DST: variants seen among roughly 807,000 people sequenced by gnomAD.
The protein encoded by DST is dystonin.
A neutral mutation model predicts 875.2 loss-of-function variants in DST; 253 were observed. The ratio of observed to expected loss-of-function variants is 0.29; its 90% CI spans 0.26 to 0.32. The LOEUF is 0.32. DST is among the 10% of genes least tolerant of loss of function. DST has a pLI of 1.00. For missense variants in DST, 8,287 were observed against 9,111.6 expected (o/e 0.91, Z 3.68); for synonymous variants, 3,124 against 3,197.1 (o/e 0.98, Z 0.77).
intron 2 of DST, among the ~76,000 whole-genome samples, chr6:56,917,772 T>A (rs930638418): frequency 6.6e-6 from 1 of 152,234 alleles, no homozygotes; most frequent in Non-Finnish European, 1.5e-5. Flanking sequence ...TTCTTTTTCA[T>A]CTTTGTGTCC....
intron 80 of DST, among the ~76,000 whole-genome samples, chr6:56,499,592 G>C (rs925810502): frequency 6.6e-6 from 1 of 152,048 alleles, no homozygotes; most frequent in Non-Finnish European, 1.5e-5. Context: ...ATTCTGCTGG[G>C]AATTTTATGT....
rs1337269536 is a variant in DST at position 56,460,235 on chromosome 6, C to T, written c.23090G>A (p.Ser7697Asn). ...PSAEGTPIQG[S>N]KLRLPGYLSG... ...TAAATATCCTGGAAGTCGAAGCTTGCTTCCTTGTATTGGCGTTCCCTGTAT... is the reference window on the plus strand; with the variant it reads ...TAAATATCCTGGAAGTCGAAGCTTGTTTCCTTGTATTGGCGTTCCCTGTAT... Residue 7697 changes from serine to asparagine, a missense_variant, in exon 103 of 104, where the codon AGC (serine) becomes AAC (asparagine). Coordinates refer to ENST00000680361, the MANE Select transcript of DST (RefSeq NM_001374736.1). 2.5e-6 allele frequency: 4 copies of T among 1,613,972 alleles called. No homozygotes were observed. The highest frequency in any genetic ancestry group is 3.4e-6 in the Non-Finnish European group (4 of 1,179,880).
intron 4 of DST, among the ~76,000 whole-genome samples, chr6:56,792,162 G>GT (rs373737853): frequency 6.6e-6 from 1 of 151,658 alleles, no homozygotes; most frequent in Admixed American, 6.6e-5. Context: ...ACACACTGAG[G>GT]TTTTTTTGTT....
intron 4 of DST, among the ~76,000 whole-genome samples, chr6:56,768,846 G>A (rs926979906): frequency 2.6e-5 from 4 of 152,168 alleles, no homozygotes; most frequent in Admixed American, 6.5e-5. Flanking sequence ...CAAGGCAGGC[G>A]GATCAAGAGG....
chr6:56,634,446 G>A lies in DST; in HGVS notation c.3494+16C>T. 1 of 1,613,118 alleles carries A rather than the reference G, an allele frequency of 6.2e-7. No individual in the cohort carries two copies. Among genetic ancestry groups the A allele is most frequent in the Non-Finnish European group, 8.5e-7 (1 of 1,179,232 alleles). On this transcript the variant is annotated intron_variant, in intron 26 of 103. Coordinates refer to ENST00000680361, the MANE Select transcript of DST (RefSeq NM_001374736.1). ...CCCCAAAACTAGCTCAACATTTTTAGCTAATATATACAAACCTGTTGGCAA... is the reference window on the plus strand; with the variant it reads ...CCCCAAAACTAGCTCAACATTTTTAACTAATATATACAAACCTGTTGGCAA...
At chr6:56,903,463 TA>T (rs1180212101) in intron 2 of DST, among the ~76,000 whole-genome samples, 7 of 152,126 alleles carry the variant, frequency 4.6e-5, no homozygotes, top group African/African-American at 1.4e-4. Context: ...ATTTATGATA[TA>T]AAAAAATTTT....
chr6:56,642,693 G>C (rs754960423), intron 15 of DST, 190 bp from the exon 16 acceptor site: 1 of 1,614,142 alleles, frequency 6.2e-7, no homozygotes, highest in South Asian at 1.1e-5. Context: ...AATGAACCAA[G>C]AGAAGATTTT....
chr6:56,553,643 T>A lies in DST; in HGVS notation c.15149A>T (p.Gln5050Leu). 6.2e-7 allele frequency: 1 copy of A among 1,611,298 alleles called. No individual in the cohort carries two copies. Among genetic ancestry groups the A allele is most frequent in the Non-Finnish European group, 8.5e-7 (1 of 1,179,294 alleles). The change falls in exon 61 of 104, where the codon CAG (glutamine) becomes CTG (leucine). Residue 5050 changes from glutamine to leucine, a missense_variant. Physicochemically the swap from Gln to Leu is moderately radical, Grantham distance 113. Around this residue, in one of 10 missense-constraint regions of DST, gnomAD observed 1,513 missense variants for 1,677.8 expected, o/e 0.90. Transcript: ENST00000680361. Reference sequence around the variant, plus strand: ...GCTTGCACAGGCCGACTGAAGGTGCTGGACATGATTCTCTAGAAATAAAAT... The same window carrying A: ...GCTTGCACAGGCCGACTGAAGGTGCAGGACATGATTCTCTAGAAATAAAAT... ...DVEQKAENHVQHLQSACASSH... is the reference protein window; with the variant it reads ...DVEQKAENHVLHLQSACASSH...
chr6:56,887,032 A>G (rs571813428), intron 3 of DST, among the ~76,000 whole-genome samples: 5 of 152,330 alleles, frequency 3.3e-5, no homozygotes, highest in African/African-American at 1.2e-4. Flanking sequence ...AAAATTAAGA[A>G]TTAGACTTAG....
rs75862517 is a variant in DST at position 56,649,164 on chromosome 6, A to G, written c.1435-475T>C. ...AGGAAACCAGATATGTACACAAACT[A>G]CAGGAAATGTATATGGTGGGATTAT... On this transcript the variant is annotated intron_variant, in intron 12 of 103. Transcript: ENST00000680361. 2.0e-3 allele frequency among the ~76,000 whole-genome samples: 304 copies of G among 152,318 alleles called. 1 individual carries two copies. The highest frequency in any genetic ancestry group is 7.2e-3 in the African/African-American group (300 of 41,570).
chr6:56,575,135 A>C (rs2097845575), intron 50 of DST, among the ~76,000 whole-genome samples: 1 of 152,116 alleles, frequency 6.6e-6, no homozygotes, highest in African/African-American at 2.4e-5. Context: ...ATGCACGAAA[A>C]TGCCATCGGC....
intron 4 of DST, 35 bp downstream of exon 4, chr6:56,851,362 T>G: frequency 1.9e-6 from 3 of 1,591,640 alleles, no homozygotes; most frequent in Non-Finnish European, 2.6e-6. Context: ...GCAACTCTCT[T>G]CCCCCACTCC....
In DST at chr6:56,529,631, C is replaced by G; in HGVS notation, c.17412G>C (p.Glu5804Asp). ...KLDFSQVWYI[E>D]IQEKSHSRSE... ...ACCTGCTGTGACTTTTCTCTTGAAT[C>G]TCAATGTACCATACTTGAGAGAAGT... Residue 5804 changes from glutamate (E) to aspartate (D), a missense_variant, in exon 66 of 104, where the codon GAG (glutamate) becomes GAC (aspartate). Coordinates refer to ENST00000680361, the MANE Select transcript of DST (RefSeq NM_001374736.1). 1 of 1,613,832 alleles carries G rather than the reference C, an allele frequency of 6.2e-7. No individual in the cohort carries two copies. The highest frequency in any genetic ancestry group is 8.5e-7 in the Non-Finnish European group (1 of 1,179,784).
intron 80 of DST, among the ~76,000 whole-genome samples, chr6:56,498,963 T>G (rs1194094296): frequency 9.2e-5 from 14 of 152,172 alleles, no homozygotes; most frequent in Admixed American, 9.2e-4. Flanking sequence ...AATAGGTTAA[T>G]AACGCTTAAA....
intron 3 of DST, among the ~76,000 whole-genome samples, chr6:56,867,167 A>G (rs1774565121): frequency 6.6e-6 from 1 of 152,164 alleles, no homozygotes; most frequent in Admixed American, 6.5e-5. Context: ...GTGCCTCCTG[A>G]CCCAGCTTCA....
chr6:56,861,769 T>C (rs887157533), intron 3 of DST: 3 of 152,228 alleles, frequency 2.0e-5, no homozygotes, highest in African/African-American at 7.2e-5. Flanking sequence ...GAGGTGGGCA[T>C]AACCTGGAGG....
At chr6:56,838,456 T>C (rs1172913888) in intron 4 of DST, among the ~76,000 whole-genome samples, 1 of 152,010 alleles carries the variant, frequency 6.6e-6, no homozygotes, top group Non-Finnish European at 1.5e-5. Flanking sequence ...AGTAAGACAA[T>C]AAATTGTTTT....
At chr6:56,631,510 CTTTG>C (rs1240415276) in intron 29 of DST, 121 bp from the exon 30 acceptor site, 12 of 812,668 alleles carry the variant, frequency 1.5e-5, no homozygotes, top group Admixed American at 2.5e-5. Context: ...TCTACATATT[CTTTG>C]TTTGTTATCA....
intron 4 of DST, among the ~76,000 whole-genome samples, chr6:56,829,515 C>G (rs755114051): frequency 6.6e-6 from 1 of 152,016 alleles, no homozygotes; most frequent in Admixed American, 6.6e-5. Context: ...TATCAAAAGG[C>G]TGGAAGGCAT....
Sources: allele counts gnomAD v4.1 joint callset (sites outside exome capture counted in the v4.1 genomes callset), GRCh38; gene constraint gnomAD v4.1.1; regional missense constraint gnomAD v4.1.1; transcripts MANE v1.5; gene names NCBI Gene and HGNC (gene_info 2026-07-23, HGNC 2026-07-21).